Variants in RBM33 observed in about 807,000 individuals in gnomAD.
The protein encoded by RBM33 is RNA binding motif protein 33.
A neutral mutation model predicts 132.6 loss-of-function variants in RBM33; 28 were observed. That is an observed-to-expected ratio of 0.21 (90% CI 0.16 to 0.29). RBM33 has a LOEUF of 0.29. Ranked by LOEUF, RBM33 falls within the 10% of genes least tolerant of loss-of-function variation. RBM33 has a pLI of 1.00. For missense variants in RBM33, 1,291 were observed against 1,518.5 expected (o/e 0.85, Z 2.49); for synonymous variants, 634 against 593.0 (o/e 1.07, Z -1.01).
rs536886777 is a variant in RBM33, at chr7:155,717,031, TA to T, written c.1202-1345del. 1.4e-4 allele frequency among the ~76,000 whole-genome samples: 22 copies of T among 151,788 alleles called. No homozygotes were observed. In the Middle Eastern group the frequency reaches 0.01, roughly 70 times the overall value. Reference sequence around the variant, plus strand: ...TATGGAATTCCTTGAGTAATCATAGTAAAAAAAAAGTTTATCATAGCACCCT... The same window carrying T: ...TATGGAATTCCTTGAGTAATCATAGTAAAAAAAAGTTTATCATAGCACCCT... On this transcript the variant is annotated intron_variant, in intron 8 of 17. Transcript: ENST00000401878.
At chr7:155,749,992 A>C (rs1801643593) in intron 14 of RBM33, among the ~76,000 whole-genome samples, 1 of 152,228 alleles carries the variant, frequency 6.6e-6, no homozygotes, top group Non-Finnish European at 1.5e-5. Flanking sequence ...ATTTCTGTGT[A>C]CGTGAATTTC....
In RBM33 at chr7:155,739,846, CCAGCACCCACCA is replaced by C. The variant is rs780345929; in HGVS notation, c.1878_1889del (p.Pro630_His633del). 93 of 1,494,526 alleles carry C rather than the reference CCAGCACCCACCA, an allele frequency of 6.2e-5. No homozygotes were observed. In the Middle Eastern group the frequency reaches 1.0e-3, roughly 16 times the overall value. 92.6% of individuals were successfully genotyped at this position (1,494,526 alleles called of 1,614,324 possible). On this transcript the variant is annotated inframe_deletion, in exon 12 of 18. Coordinates refer to ENST00000401878, the MANE Select transcript of RBM33 (RefSeq NM_053043.3). ...CCCCGCCCCAGCACCAGCCCCCACC[CCAGCACCCACCA>C]CAGCACCCGCCGCAGCACCAGCACC... is the stretch of plus-strand genomic sequence containing the variant.
chr7:155,769,691 G>A (rs1563184372), intron 16 of RBM33, among the ~76,000 whole-genome samples: 2 of 152,044 alleles, frequency 1.3e-5, no homozygotes, highest in Non-Finnish European at 1.5e-5. Flanking sequence ...GCCCCTTTAC[G>A]TCTGGTTCTG....
At chr7:155,768,486 CTCTG>C (rs1210933157) in intron 16 of RBM33, among the ~76,000 whole-genome samples, 1 of 152,194 alleles carries the variant, frequency 6.6e-6, no homozygotes, top group African/African-American at 2.4e-5. Flanking sequence ...AGTGTCGAGT[CTCTG>C]TCTCTTTGGG....
chr7:155,732,154 G>A (rs1428003480), intron 9 of RBM33, among the ~76,000 whole-genome samples: 1 of 152,212 alleles, frequency 6.6e-6, no homozygotes, highest in Non-Finnish European at 1.5e-5. Flanking sequence ...AGGGGTGAAG[G>A]GGAAACTGAG....
intron 2 of RBM33, among the ~76,000 whole-genome samples, chr7:155,671,971 G>A (rs1798953906): frequency 1.3e-5 from 2 of 152,052 alleles, no homozygotes; most frequent in Admixed American, 6.6e-5. Flanking sequence ...GAGAAAGCCG[G>A]CTTCTAATCA....
intron 5 of RBM33, among the ~76,000 whole-genome samples, chr7:155,692,865 A>C (rs1251792597): frequency 6.6e-6 from 1 of 152,248 alleles, no homozygotes; most frequent in Non-Finnish European, 1.5e-5. Context: ...TGTATCAAGT[A>C]TTTGTTTGCA....
At chr7:155,729,539 C>T (rs1259403106) in intron 9 of RBM33, among the ~76,000 whole-genome samples, 5 of 152,112 alleles carry the variant, frequency 3.3e-5, no homozygotes, top group Non-Finnish European at 7.3e-5. Context: ...GAGTTTCAGA[C>T]TAGCCTGGGT....
intron 5 of RBM33, among the ~76,000 whole-genome samples, chr7:155,688,778 T>C (rs1563144875): frequency 1.3e-5 from 2 of 152,236 alleles, no homozygotes; most frequent in Non-Finnish European, 2.9e-5. Flanking sequence ...GGATTATGTT[T>C]ATTAATTTGC....
At chr7:155,671,567 A>G (rs1310154559) in intron 2 of RBM33, among the ~76,000 whole-genome samples, 10 of 152,226 alleles carry the variant, frequency 6.6e-5, no homozygotes, top group African/African-American at 2.4e-4. Context: ...CCCGGAGATT[A>G]TAGTATTCTG....
chr7:155,759,909 C>T (rs1447208067), intron 14 of RBM33, among the ~76,000 whole-genome samples: 5 of 152,186 alleles, frequency 3.3e-5, no homozygotes, highest in African/African-American at 9.6e-5. Flanking sequence ...ACATCGTTCC[C>T]TCCAGGCCAA....
intron 1 of RBM33, among the ~76,000 whole-genome samples, chr7:155,646,407 A>G (rs568731679): frequency 7.4e-4 from 113 of 152,372 alleles, no homozygotes; most frequent in African/African-American, 2.5e-3. Flanking sequence ...GGCTTTATTC[A>G]TGATGCTTTG....
At position 155,778,586 on chromosome 7, in the gene RBM33, C is replaced by G. The variant is rs1286533248; in HGVS notation, c.*3545C>G. 1 of 152,240 alleles carries G rather than the reference C, an allele frequency of 6.6e-6. No homozygotes were observed. Among genetic ancestry groups the G allele is most frequent in the African/African-American group, 2.4e-5 (1 of 41,400 alleles). 9.4% of individuals were successfully genotyped at this position (152,240 alleles called of 1,614,324 possible). A position where few individuals can be genotyped will look rare whatever the true frequency, so the allele number is the denominator to read the frequency against. ...GGGTGTTTGGCGGCACAGGGGCATC[C>G]GCTGGATGGCCTGGAGGAGTGGGGG... On this transcript the variant is annotated 3_prime_UTR_variant, in exon 18 of 18. Transcript: ENST00000401878. This position sits in a 1 kb window ranked among gnomAD's most constrained non-coding sequence, Gnocchi z 4.0.
chr7:155,655,978 C>T (rs1563129114), intron 1 of RBM33, among the ~76,000 whole-genome samples: 1 of 152,154 alleles, frequency 6.6e-6, no homozygotes, highest in Admixed American at 6.5e-5. Context: ...ATCATTTTTA[C>T]TTGAAAGGAC....
In RBM33 at chr7:155,745,110, G is replaced by C. The variant is rs753919035; in HGVS notation, c.2487G>C (p.Gln829His). 11 of 1,598,502 alleles carry C rather than the reference G, an allele frequency of 6.9e-6. No homozygotes were observed. Among genetic ancestry groups the C allele is most frequent in the Non-Finnish European group, 8.5e-6 (10 of 1,172,162 alleles). Residue 829 changes from glutamine (Q) to histidine (H), a missense_variant, in exon 14 of 18, where the codon CAG becomes CAC. Gln to His is a conservative substitution (Grantham distance 24, BLOSUM62 0). Around this residue, in one of 7 missense-constraint regions of RBM33, gnomAD observed 841 missense variants for 912.0 expected, o/e 0.92. Transcript: ENST00000401878. This position sits in a 1 kb window ranked among gnomAD's most constrained non-coding sequence, Gnocchi z 4.1. ...RKKELLERLAQQQQQLYAPPP... is the reference protein window; with the variant it reads ...RKKELLERLAHQQQQLYAPPP... ...AGGAGCTGCTGGAGAGACTCGCGCAGCAACAGCAGCAGCTGTACGCTCCCC... is the reference window on the plus strand; with the variant it reads ...AGGAGCTGCTGGAGAGACTCGCGCACCAACAGCAGCAGCTGTACGCTCCCC...
rs866869559 is a variant in RBM33 at position 155,780,273 on chromosome 7, G to A, written c.*5232G>A. 1.8e-4 allele frequency: 28 copies of A among 152,248 alleles called. No homozygotes were observed. Among genetic ancestry groups the A allele is most frequent in the African/African-American group, 6.7e-4 (28 of 41,552 alleles). The allele number at this position is 152,248 out of a possible 1,614,324, so 9.4% of individuals were successfully genotyped here. On this transcript the variant is annotated 3_prime_UTR_variant, in exon 18 of 18. Transcript: ENST00000401878. ...CACACAGGGGTGCCCTGAGCCGAAG[G>A]AGCAAAAAAAGCCACCGCTCGTTTC... is the stretch of plus-strand genomic sequence containing the variant.
chr7:155,707,231 C>T, intron 7 of RBM33, 163 bp downstream of exon 7: 2 of 730,162 alleles, frequency 2.7e-6, no homozygotes, highest in Non-Finnish European at 5.0e-6. Context: ...TGTGATGTTG[C>T]ATATAGTCTT....
At chr7:155,723,833 A>G (rs551762474) in intron 9 of RBM33, among the ~76,000 whole-genome samples, 244 of 152,346 alleles carry the variant, frequency 1.6e-3, no homozygotes, top group Non-Finnish European at 2.7e-3. Flanking sequence ...GATAAACTAT[A>G]GTTGTCCCTT....
intron 1 of RBM33, among the ~76,000 whole-genome samples, chr7:155,664,665 T>A (rs900468833): frequency 1.3e-5 from 2 of 152,222 alleles, no homozygotes; most frequent in African/African-American, 4.8e-5. Flanking sequence ...TCTCTTTACC[T>A]TTTATAAATG....
Sources: allele counts gnomAD v4.1 joint callset (sites outside exome capture counted in the v4.1 genomes callset), GRCh38; gene constraint gnomAD v4.1.1; regional missense constraint gnomAD v4.1.1; non-coding constraint Gnocchi (gnomAD v3.1); transcripts MANE v1.5; gene names NCBI Gene and HGNC (gene_info 2026-07-23, HGNC 2026-07-21).